USP36: variants seen among roughly 807,000 people sequenced by gnomAD.
The protein encoded by USP36 is ubiquitin specific peptidase 36, also known as ubiquitin carboxyl-terminal hydrolase 36.
USP36 carries 59 observed loss-of-function variants against 111.5 expected under a neutral mutation model. The observed-to-expected ratio is 0.53, with a 90% CI of 0.43 to 0.66. The LOEUF (loss-of-function observed/expected upper bound fraction) is 0.66, where lower values mean the gene tolerates loss of function less well. Among genes scored for constraint, USP36 ranks in the 30% least tolerant of loss-of-function variants. The probability of loss-of-function intolerance (pLI) is 0.00; values close to 1 mark genes in which losing one functional copy is unlikely to be tolerated. For synonymous variants in USP36, 628 were observed against 581.0 expected (o/e 1.08, Z -1.16); for missense variants, 1,488 against 1,468.0 (o/e 1.01, Z -0.22).
chr17:78,835,455 C>T lies in USP36; in HGVS notation c.300G>A (p.Pro100=), dbSNP rs372356830. The change falls in exon 4 of 21, where the codon CCG becomes CCA. Residue 100 remains proline (P), a synonymous_variant. Coordinates refer to ENST00000449938, the MANE Select transcript of USP36 (RefSeq NM_001385174.1). Reference sequence around the variant, plus strand: ...GCTCCGTGGGGAAAAGCACTTTCTGCGGGGCTGGGACTCCGTCACCACAGC... The same window carrying T: ...GCTCCGTGGGGAAAAGCACTTTCTGTGGGGCTGGGACTCCGTCACCACAGC... ...YESCGDGVPA[P]QKVLFPTERL... is the part of the protein sequence containing the mutation. The T allele has an allele frequency of 1.3e-5, 21 of 1,613,054 alleles. No homozygotes were observed. Among genetic ancestry groups the T allele is most frequent in the South Asian group, 1.1e-4 (10 of 90,824 alleles).
intron 5 of USP36, among the ~76,000 whole-genome samples, chr17:78,827,694 G>A (rs1176356217): frequency 6.6e-6 from 1 of 151,896 alleles, no homozygotes; most frequent in Non-Finnish European, 1.5e-5. Context: ...CTTGAGCCCA[G>A]GAGTTCGAGG....
chr17:78,818,580 C>G, intron 10 of USP36, 87 bp downstream of exon 10: 1 of 1,194,774 alleles, frequency 8.4e-7, no homozygotes, highest in Non-Finnish European at 1.2e-6. Context: ...CAGCAGCTAT[C>G]AAACTCGTGG....
chr17:78,806,950 C>T lies in USP36; in HGVS notation c.2085+9G>A, dbSNP rs377142544. On this transcript the variant is annotated intron_variant, in intron 14 of 20. Transcript: ENST00000449938. Reference sequence around the variant, plus strand: ...ATACACAGCAGCGGCGAGACCCCCACACACCCACCTTCTTGGCAGAAAGGG... The same window carrying T: ...ATACACAGCAGCGGCGAGACCCCCATACACCCACCTTCTTGGCAGAAAGGG... The T allele has an allele frequency of 7.4e-6, 12 of 1,613,268 alleles. No homozygotes were observed. The highest frequency in any genetic ancestry group is 1.0e-5 in the Non-Finnish European group (12 of 1,179,338).
chr17:78,813,090 C>G, intron 12 of USP36, 89 bp from the exon 13 acceptor site: 1 of 1,539,526 alleles, frequency 6.5e-7, no homozygotes, highest in Non-Finnish European at 8.8e-7. Flanking sequence ...GGGGCAAAGG[C>G]AGAAACACGG....
rs1252407989 is a variant in USP36, at chr17:78,807,464, G to T, written c.1580C>A (p.Thr527Asn). ...CTTCTTTCCAGGGTCGTCTAGGATGGTTGGCATGTGTGTGGGTGTCTGGGA... is the reference window on the plus strand; with the variant it reads ...CTTCTTTCCAGGGTCGTCTAGGATGTTTGGCATGTGTGTGGGTGTCTGGGA... ...KLSQTPTHMP[T>N]ILDDPGKKVK... The change falls in exon 14 of 21, where the codon ACC becomes AAC. Residue 527 changes from threonine (T) to asparagine (N), a missense_variant. Around this residue, in one of 3 missense-constraint regions of USP36, gnomAD observed 1,073 missense variants for 994.1 expected, o/e 1.08. Coordinates refer to ENST00000449938, the MANE Select transcript of USP36 (RefSeq NM_001385174.1). The T allele has an allele frequency of 1.9e-6, 3 of 1,613,986 alleles. No homozygotes were observed. In the East Asian group the frequency reaches 6.7e-5, roughly 36 times the overall value.
In USP36 at chr17:78,802,108, C is replaced by T. The variant is rs141425456; in HGVS notation, c.3022+216G>A. On this transcript the variant is annotated intron_variant, in intron 17 of 20. Coordinates refer to ENST00000449938, the MANE Select transcript of USP36 (RefSeq NM_001385174.1). The stretch of plus-strand genomic sequence containing the variant: ...CCACGCGGTCCCCCACCCCCTTGCC[C>T]GGTGCACACCCACGCGGTCCCCCAA... Among the ~76,000 whole-genome samples the T allele has an allele frequency of 7.6e-3, 1,132 of 149,090 alleles. 16 individuals carry two copies. The highest frequency in any genetic ancestry group is 0.027 in the African/African-American group (1,073 of 40,168).
chr17:78,799,524 T>C (rs1046039596), intron 18 of USP36, 143 bp downstream of exon 18: 3 of 730,622 alleles, frequency 4.1e-6, no homozygotes, highest in Non-Finnish European at 6.9e-6. Flanking sequence ...CTCCAGCCAG[T>C]GTTGAGATTC....
At chr17:78,835,531 G>A (rs767443438) in intron 3 of USP36, 30 bp from the exon 4 acceptor site, 1 of 1,562,306 alleles carries the variant, frequency 6.4e-7, no homozygotes, top group Non-Finnish European at 8.7e-7. Flanking sequence ...GGGAAGAAAA[G>A]AGGAAGACGT....
intron 6 of USP36, 64 bp downstream of exon 6, chr17:78,827,181 T>C (rs1419715881): frequency 6.7e-7 from 1 of 1,493,416 alleles, no homozygotes; most frequent in Admixed American, 1.9e-5. Context: ...CATAGGAATG[T>C]TCTGCTGCCA....
In USP36 at chr17:78,812,923, C is replaced by A; in HGVS notation, c.1344G>T (p.Val448=). ...TGTTCTTCTTGGAGTGATCTGGAAT[C>A]ACACTCGGGCGGCCGGGAAGGGAGG... The part of the protein sequence containing the change: ...GSSSLPGRPS[V]IPDHSKKNIG... The change falls in exon 13 of 21, where the codon GTG becomes GTT. Residue 448 remains valine, a synonymous_variant. Coordinates refer to ENST00000449938, the MANE Select transcript of USP36 (RefSeq NM_001385174.1). 1 of 1,613,978 alleles carries A rather than the reference C, an allele frequency of 6.2e-7. No homozygotes were observed. The highest frequency in any genetic ancestry group is 8.5e-7 in the Non-Finnish European group (1 of 1,179,996).
chr17:78,824,360 G>A (rs1567957355), intron 6 of USP36, among the ~76,000 whole-genome samples: 1 of 152,214 alleles, frequency 6.6e-6, no homozygotes, highest in South Asian at 2.1e-4. Flanking sequence ...AGACAGTGAG[G>A]AGCGAGGAAA....
intron 4 of USP36, among the ~76,000 whole-genome samples, chr17:78,831,468 C>G (rs1462035290): frequency 1.3e-5 from 2 of 151,320 alleles, no homozygotes; most frequent in Non-Finnish European, 2.9e-5. Flanking sequence ...CAAACATTAG[C>G]CGTGTGTGGT....
chr17:78,820,360 C>T (rs997110791), intron 8 of USP36, among the ~76,000 whole-genome samples: 4 of 152,256 alleles, frequency 2.6e-5, no homozygotes, highest in African/African-American at 9.6e-5. Context: ...GCCTGTAGTA[C>T]CAGCTGTGTG....
rs570524511 is a variant in USP36, at chr17:78,798,644, C to T, written c.3241-93G>A. On this transcript the variant is annotated intron_variant, in intron 19 of 20. Transcript: ENST00000449938. This position sits in a 1 kb window ranked among gnomAD's most constrained non-coding sequence, Gnocchi z 5.1. ...CTGCATGCAGGTCCTGCACACAGGC[C>T]GGGCTCTCATGAGCTCTCTGGAGAC... is the stretch of plus-strand genomic sequence containing the variant. 9.5e-6 allele frequency: 15 copies of T among 1,573,938 alleles called. No homozygotes were observed. The highest frequency in any genetic ancestry group is 6.8e-5 in the South Asian group (6 of 88,086).
chr17:78,805,781 C>T (rs889683081), intron 15 of USP36, among the ~76,000 whole-genome samples: 7 of 152,226 alleles, frequency 4.6e-5, no homozygotes, highest in African/African-American at 1.4e-4. Flanking sequence ...CTCACTCAAG[C>T]CTCTCGCCAA....
rs554411299 is a variant in USP36 at position 78,811,340 on chromosome 17, A to T, written c.1407+1520T>A. 5.9e-5 allele frequency among the ~76,000 whole-genome samples: 9 copies of T among 152,152 alleles called. No homozygotes were observed. In the South Asian group the frequency reaches 6.2e-4, roughly 11 times the overall value. On this transcript the variant is annotated intron_variant, in intron 13 of 20. Transcript: ENST00000449938. ...AACCTGTAACCACATAACCTTTATC[A>T]TCCTCTCTCTGTATGTATATGTACG... is the stretch of plus-strand genomic sequence containing the variant.
At position 78,814,489 on chromosome 17, in the gene USP36, C is replaced by T. The variant is rs761555336; in HGVS notation, c.1087G>A (p.Val363Ile). 17 of 1,614,088 alleles carry T rather than the reference C, an allele frequency of 1.1e-5. No individual in the cohort carries two copies. The highest frequency in any genetic ancestry group is 1.1e-5 in the Non-Finnish European group (13 of 1,180,044). The change falls in exon 11 of 21, where the codon GTC becomes ATC. Residue 363 changes from valine to isoleucine, a missense_variant. Physicochemically the swap from Val to Ile is conservative, Grantham distance 29. This residue lies in a region of USP36 where 1,073 missense variants were observed against 994.1 expected (regional missense o/e 1.08). Coordinates refer to ENST00000449938, the MANE Select transcript of USP36 (RefSeq NM_001385174.1). The part of the protein sequence containing the change: ...PYMSQNNGDP[V>I]MYGLYAVLVH... ...AGGACAGCATAGAGTCCATACATGA[C>T]AGGATCACCATTATTCTGGGACATA... is the stretch of plus-strand genomic sequence containing the variant.
chr17:78,789,900 G>A (rs564753419), intron 3 of USP36, among the ~76,000 whole-genome samples: 39 of 152,300 alleles, frequency 2.6e-4, no homozygotes, highest in African/African-American at 8.7e-4. Context: ...TGTGGACTGC[G>A]GAGCCACTGA....
Position 78,828,882 on chromosome 17 carries a change from T to C in USP36, c.586+15A>G, listed in dbSNP as rs200128056. On this transcript the variant is annotated intron_variant, in intron 5 of 20. Transcript: ENST00000449938. ...TAAATAAATCACAAAAATTTTAACA[T>C]GGATTGATGCTTACTTTTCAGGTCT... 1,199 of 1,608,880 alleles carry C rather than the reference T, an allele frequency of 7.5e-4. 1 individual carries two copies. The highest frequency in any genetic ancestry group is 2.0e-3 in the Admixed American group (117 of 58,402).
Sources: allele counts gnomAD v4.1 joint callset (sites outside exome capture counted in the v4.1 genomes callset), GRCh38; gene constraint gnomAD v4.1.1; regional missense constraint gnomAD v4.1.1; non-coding constraint Gnocchi (gnomAD v3.1); transcripts MANE v1.5; gene names NCBI Gene and HGNC (gene_info 2026-07-23, HGNC 2026-07-21).